NRXN1: variants seen among roughly 807,000 people sequenced by gnomAD.
NRXN1 encodes neurexin 1.
A neutral mutation model predicts 150.9 loss-of-function variants in NRXN1; 39 were observed. The ratio of observed to expected loss-of-function variants is 0.26; its 90% confidence interval spans 0.20 to 0.34. NRXN1 has a LOEUF of 0.34. Among genes scored for constraint, NRXN1 ranks in the 10% least tolerant of loss-of-function variants. NRXN1 has a pLI of 1.00. For missense variants in NRXN1, 1,815 were observed against 1,949.9 expected, an observed-to-expected ratio of 0.93 and a Z score of 1.30; for synonymous variants, 924 against 757.0, an observed-to-expected ratio of 1.22 and a Z score of -3.62.
intron 22 of NRXN1, among the ~76,000 whole-genome samples, chr2:49,940,376 T>C (rs1036456276): frequency 9.9e-5 from 15 of 152,208 alleles, no homozygotes; most frequent in Admixed American, 9.2e-4. Flanking sequence ...TAACATCTAA[T>C]AGCAGCAGCT....
intron 17 of NRXN1, among the ~76,000 whole-genome samples, chr2:50,320,309 T>TAC (rs1450160998): frequency 8.1e-6 from 1 of 124,064 alleles, no homozygotes; most frequent in Non-Finnish European, 1.7e-5. Flanking sequence ...TATATATATA[T>TAC]ATATATATAT....
chr2:50,495,264 C>T (rs905194280), intron 15 of NRXN1, among the ~76,000 whole-genome samples: 3 of 151,890 alleles, frequency 2.0e-5, no homozygotes, highest in African/African-American at 7.3e-5. Context: ...CATTTTGTCA[C>T]GTGCATTTGA....
chr2:50,037,394 T>C (rs1690205746), intron 21 of NRXN1, among the ~76,000 whole-genome samples: 1 of 152,174 alleles, frequency 6.6e-6, no homozygotes, highest in Non-Finnish European at 1.5e-5. Context: ...CCTCTCCTTC[T>C]AACACTACTT....
At chr2:49,933,533 C>T (rs1473959534) in intron 22 of NRXN1, among the ~76,000 whole-genome samples, 2 of 152,102 alleles carry the variant, frequency 1.3e-5, no homozygotes, top group Admixed American at 6.5e-5. Context: ...AAAAGAATAT[C>T]GAATTATGCA....
intron 18 of NRXN1, among the ~76,000 whole-genome samples, chr2:50,186,938 G>T (rs1286786886): frequency 6.6e-6 from 1 of 151,780 alleles, no homozygotes; most frequent in Non-Finnish European, 1.5e-5. Flanking sequence ...TGTCTATCCA[G>T]TTTTGTAATA....
At chr2:50,954,475 G>A (rs928121777) in intron 2 of NRXN1, among the ~76,000 whole-genome samples, 14 of 152,126 alleles carry the variant, frequency 9.2e-5, no homozygotes. Flanking sequence ...AGCCATTTAT[G>A]GGGCAGAACA....
Position 50,367,057 on chromosome 2 carries a change from C to G in NRXN1, c.3364+98385G>C, listed in dbSNP as rs538449908. Among the ~76,000 whole-genome samples, 6 of 152,006 alleles carry G rather than the reference C, an allele frequency of 3.9e-5. No individual in the cohort carries two copies. The South Asian group carries it at 8.3e-4, about 21-fold the overall frequency. On this transcript the variant is annotated intron_variant, in intron 17 of 22. Coordinates refer to ENST00000401669, the MANE Select transcript of NRXN1 (RefSeq NM_001330078.2). ...CCAGGCGTCTGGGAGAGACATTTAT[C>G]CTTAAGGAAAGTAGGGAACATATTA...
chr2:50,797,574 A>G (rs537370136), intron 5 of NRXN1, among the ~76,000 whole-genome samples: 16 of 152,176 alleles, frequency 1.1e-4, no homozygotes, highest in Non-Finnish European at 2.2e-4. Flanking sequence ...AGACAGGTTA[A>G]TGTAGACTCT....
chr2:50,059,796 G>C (rs189594121), intron 19 of NRXN1, among the ~76,000 whole-genome samples: 1 of 152,338 alleles, frequency 6.6e-6, no homozygotes, highest in African/African-American at 2.4e-5. Flanking sequence ...CCAAACCTTG[G>C]TGGCTTACAT....
chr2:50,403,201 A>T (rs1196599477), intron 17 of NRXN1, among the ~76,000 whole-genome samples: 1 of 152,090 alleles, frequency 6.6e-6, no homozygotes, highest in Non-Finnish European at 1.5e-5. Flanking sequence ...AATTTACTAT[A>T]TACTTAGAGA....
intron 5 of NRXN1, among the ~76,000 whole-genome samples, chr2:50,890,077 G>C (rs1181032555): frequency 6.6e-6 from 1 of 151,594 alleles, no homozygotes; most frequent in African/African-American, 2.4e-5. Flanking sequence ...TAATATAGAG[G>C]CTTAGTTTTA....
chr2:50,655,001 C>G (rs1474351822), intron 5 of NRXN1, among the ~76,000 whole-genome samples: 3 of 151,782 alleles, frequency 2.0e-5, no homozygotes, highest in African/African-American at 4.8e-5. Context: ...TAAAAAAGGT[C>G]TAATTAATTT....
chr2:50,913,390 C>A (rs1033350997), intron 5 of NRXN1, among the ~76,000 whole-genome samples: 1 of 151,700 alleles, frequency 6.6e-6, no homozygotes, highest in African/African-American at 2.4e-5. Flanking sequence ...ATTTAATTTT[C>A]TCCAAATGTC....
At chr2:50,926,043 C>A (rs1686823660) in intron 2 of NRXN1, 88 bp from the exon 3 acceptor site, 5 of 985,424 alleles carry the variant, frequency 5.1e-6, no homozygotes. Flanking sequence ...ATGTCTTCCT[C>A]ATGCAAGGCA....
chr2:50,106,943 T>C (rs1251980380), intron 18 of NRXN1, among the ~76,000 whole-genome samples: 1 of 151,994 alleles, frequency 6.6e-6, no homozygotes, highest in Non-Finnish European at 1.5e-5. Context: ...CAAGTTACTC[T>C]GTTGACATTG....
Position 50,673,637 on chromosome 2 carries a change from T to C in NRXN1, c.833-50022A>G, listed in dbSNP as rs531409301. Among the ~76,000 whole-genome samples, 15 of 152,244 alleles carry C rather than the reference T, an allele frequency of 9.9e-5. No individual in the cohort carries two copies. The East Asian group carries it at 2.7e-3, about 27-fold the overall frequency. ...TATTTTGTTTTATTTTGCAGGAAATTATGTAACCAGCAAACAGACAGAAAA... is the reference window on the plus strand; with the variant it reads ...TATTTTGTTTTATTTTGCAGGAAATCATGTAACCAGCAAACAGACAGAAAA... On this transcript the variant is annotated intron_variant, in intron 5 of 22. Coordinates refer to ENST00000401669, the MANE Select transcript of NRXN1 (RefSeq NM_001330078.2).
chr2:50,126,349 CTGTT>C (rs766560264), intron 18 of NRXN1, among the ~76,000 whole-genome samples: 2 of 151,938 alleles, frequency 1.3e-5, no homozygotes, highest in South Asian at 4.1e-4. Context: ...AACAGGCACT[CTGTT>C]TAAGTCGTGG....
chr2:50,604,712 C>T (rs1345682206), intron 8 of NRXN1, among the ~76,000 whole-genome samples: 2 of 152,142 alleles, frequency 1.3e-5, no homozygotes, highest in Non-Finnish European at 2.9e-5. Flanking sequence ...TTCTCAGTCA[C>T]CATCCCTATA....
At chr2:50,304,214 C>T (rs1399692576) in intron 17 of NRXN1, among the ~76,000 whole-genome samples, 1 of 152,032 alleles carries the variant, frequency 6.6e-6, no homozygotes, top group Admixed American at 6.6e-5. Context: ...GTGAACCAAA[C>T]CCTATAAAGA....
Sources: allele counts gnomAD v4.1 joint callset (sites outside exome capture counted in the v4.1 genomes callset), GRCh38; gene constraint gnomAD v4.1.1; transcripts MANE v1.5; gene names NCBI Gene and HGNC (gene_info 2026-07-23, HGNC 2026-07-21).